The following ADCY2 variants were observed in gnomAD, a reference collection of about 807,000 sequenced individuals.
ADCY2 encodes the protein adenylate cyclase type 2.
A neutral mutation model predicts 125.2 loss-of-function variants in ADCY2; 31 were observed. That is an observed-to-expected ratio of 0.25 (90% CI 0.19 to 0.33). ADCY2 has a LOEUF of 0.33. Among genes scored for constraint, ADCY2 ranks in the 10% least tolerant of loss-of-function variants. ADCY2 has a pLI of 1.00. For missense variants in ADCY2, 904 were observed against 1,418.2 expected (o/e 0.64, Z 5.82); for synonymous variants, 512 against 548.4 (o/e 0.93, Z 0.93).
At chr5:7,539,074 G>A (rs370625873) in intron 3 of ADCY2, among the ~76,000 whole-genome samples, 2 of 151,850 alleles carry the variant, frequency 1.3e-5, no homozygotes, top group South Asian at 4.2e-4. Flanking sequence ...TGTTGGCCAG[G>A]CTGGTCTCAA....
chr5:7,724,933 G>A (rs1228561559), intron 13 of ADCY2, among the ~76,000 whole-genome samples: 3 of 151,996 alleles, frequency 2.0e-5, no homozygotes, highest in Non-Finnish European at 2.9e-5. Flanking sequence ...TTTCAGAAAA[G>A]TCTTAAAAAA....
intron 2 of ADCY2, among the ~76,000 whole-genome samples, chr5:7,436,582 A>G (rs1270896074): frequency 6.6e-6 from 1 of 152,250 alleles, no homozygotes; most frequent in East Asian, 1.9e-4. Context: ...TTTCAGGATT[A>G]AAATTCTGAG....
intron 1 of ADCY2, among the ~76,000 whole-genome samples, chr5:7,403,946 A>C (rs1356662404): frequency 1.3e-5 from 2 of 150,230 alleles, no homozygotes; most frequent in Non-Finnish European, 3.0e-5. Flanking sequence ...CTACACACAC[A>C]CACACACACA....
intron 1 of ADCY2, among the ~76,000 whole-genome samples, chr5:7,402,953 G>A (rs992079348): frequency 1.3e-5 from 2 of 152,074 alleles, no homozygotes; most frequent in Admixed American, 6.5e-5. Context: ...TGTAATGGGA[G>A]CCCTGCCTGC....
rs1018731313 is a variant in ADCY2, at chr5:7,829,269, C to G, written c.*2398C>G. 2 of 152,636 alleles carry G rather than the reference C, an allele frequency of 1.3e-5. No homozygotes were observed. Among genetic ancestry groups the G allele is most frequent in the African/African-American group, 4.8e-5 (2 of 41,422 alleles). 9.5% of individuals were successfully genotyped at this position (152,636 alleles called of 1,614,324 possible). ...CAGGTTCTCCAGGTGATTCTGATCC[C>G]TGATCAAGCTTCAGACCTCCCTCCC... On this transcript the variant is annotated 3_prime_UTR_variant, in exon 25 of 25. Transcript: ENST00000338316.
chr5:7,444,716 C>A (rs1230153712), intron 2 of ADCY2, among the ~76,000 whole-genome samples: 7 of 152,112 alleles, frequency 4.6e-5, no homozygotes, highest in Non-Finnish European at 7.3e-5. Flanking sequence ...TCATTTTACT[C>A]CCCCGGGCTT....
At chr5:7,437,484 C>G (rs766015070) in intron 2 of ADCY2, among the ~76,000 whole-genome samples, 6 of 152,232 alleles carry the variant, frequency 3.9e-5, no homozygotes, top group Non-Finnish European at 1.5e-5. Flanking sequence ...GCACACGTTA[C>G]GAAGACCCTG....
rs183616478 is a variant in ADCY2, at chr5:7,413,143, G to A, written c.211-1430G>A. The stretch of plus-strand genomic sequence containing the variant: ...CTGTTTCCCCATCTCCCTGTGCTTC[G>A]TTGCTTGGTATTTGCATGGAGCCAT... On this transcript the variant is annotated intron_variant, in intron 1 of 24. Coordinates refer to ENST00000338316, the MANE Select transcript of ADCY2 (RefSeq NM_020546.3). 2.6e-5 allele frequency among the ~76,000 whole-genome samples: 4 copies of A among 152,278 alleles called. No individual in the cohort carries two copies. The South Asian group carries it at 8.3e-4, about 32-fold the overall frequency.
At chr5:7,414,276 T>C (rs150177805) in intron 1 of ADCY2, among the ~76,000 whole-genome samples, 151 of 152,356 alleles carry the variant, frequency 9.9e-4, no homozygotes, top group African/African-American at 3.2e-3. Context: ...TAATGTGTTC[T>C]TACATTCACT....
At chr5:7,648,368 G>A (rs914478192) in intron 4 of ADCY2, among the ~76,000 whole-genome samples, 1 of 152,120 alleles carries the variant, frequency 6.6e-6, no homozygotes, top group Admixed American at 6.6e-5. Flanking sequence ...AAGAATATAA[G>A]TTTCTTAAGT....
chr5:7,670,988 G>A (rs75637455), intron 4 of ADCY2, among the ~76,000 whole-genome samples: 20 of 152,076 alleles, frequency 1.3e-4, no homozygotes, highest in Admixed American at 6.6e-4. Flanking sequence ...CTAAGATTCC[G>A]TCTCTGGGTA....
intron 22 of ADCY2, among the ~76,000 whole-genome samples, chr5:7,812,063 G>C (rs952249858): frequency 2.6e-5 from 4 of 152,178 alleles, no homozygotes; most frequent in Non-Finnish European, 5.9e-5. Context: ...GAAGATTAGA[G>C]GGATCCTGCC....
At chr5:7,570,787 A>G (rs1250370778) in intron 3 of ADCY2, among the ~76,000 whole-genome samples, 1 of 152,164 alleles carries the variant, frequency 6.6e-6, no homozygotes, top group East Asian at 1.9e-4. Context: ...CAAATATTGT[A>G]TTGGTTTAAC....
chr5:7,642,170 G>C (rs990213480), intron 4 of ADCY2, among the ~76,000 whole-genome samples: 3 of 152,020 alleles, frequency 2.0e-5, no homozygotes, highest in African/African-American at 7.2e-5. Context: ...TTCCTCCACA[G>C]CCTTACCAGC....
intron 4 of ADCY2, among the ~76,000 whole-genome samples, chr5:7,659,166 C>T (rs877886): frequency 0.43 from 64,967 of 152,122 alleles, 14,589 homozygotes; most frequent in Non-Finnish European, 0.49. Context: ...AGAAATGCTG[C>T]TGGCTAAAAC....
chr5:7,425,604 A>G (rs1740357708), intron 2 of ADCY2, among the ~76,000 whole-genome samples: 2 of 152,244 alleles, frequency 1.3e-5, no homozygotes, highest in African/African-American at 4.8e-5. Flanking sequence ...TTGCTAAGCA[A>G]CACTTCACTA....
intron 11 of ADCY2, among the ~76,000 whole-genome samples, chr5:7,714,631 G>A (rs1402428346): frequency 6.6e-6 from 1 of 152,220 alleles, no homozygotes; most frequent in Admixed American, 6.5e-5. Context: ...TGACCGCAGA[G>A]CACAAGTTCC....
At chr5:7,563,204 A>G (rs1244644883) in intron 3 of ADCY2, among the ~76,000 whole-genome samples, 1 of 152,240 alleles carries the variant, frequency 6.6e-6, no homozygotes, top group Admixed American at 6.5e-5. Context: ...CTTGCTATGT[A>G]TGAATACCAC....
At chr5:7,408,413 G>C (rs1193057260) in intron 1 of ADCY2, among the ~76,000 whole-genome samples, 3 of 151,854 alleles carry the variant, frequency 2.0e-5, no homozygotes, top group African/African-American at 7.3e-5. Flanking sequence ...TGTCACCCAG[G>C]CTGGCATACA....
Sources: gnomAD v4.1 joint callset for allele counts (sites outside exome capture counted in the v4.1 genomes callset) on GRCh38, gnomAD v4.1.1 for gene constraint, MANE v1.5 for transcripts, NCBI Gene and HGNC (gene_info 2026-07-23, HGNC 2026-07-21) for gene names.